Variants in ADARB2 observed in about 807,000 individuals in gnomAD.
ADARB2 encodes the protein adenosine deaminase RNA specific B2 (inactive).
In ADARB2, 25 loss-of-function variants were observed where a neutral mutation model predicts 62.2. The ratio of observed to expected loss-of-function variants is 0.40; its 90% CI spans 0.29 to 0.56. ADARB2 has a LOEUF of 0.56. ADARB2 is among the 20% of genes least tolerant of loss of function. The pLI is 0.43. For missense variants in ADARB2, 1,071 were observed against 1,077.4 expected (o/e 0.99, Z 0.08); for synonymous variants, 572 against 500.8 (o/e 1.14, Z -1.90).
intron 1 of ADARB2, among the ~76,000 whole-genome samples, chr10:1,480,837 T>C (rs553167271): frequency 6.6e-6 from 1 of 152,206 alleles, no homozygotes; most frequent in Non-Finnish European, 1.5e-5. Flanking sequence ...CATAAATAAA[T>C]GGAAAGACAT....
At chr10:1,481,571 A>G (rs1028128806) in intron 1 of ADARB2, among the ~76,000 whole-genome samples, 11 of 152,228 alleles carry the variant, frequency 7.2e-5, no homozygotes, top group African/African-American at 2.7e-4. Context: ...ATTAATATCC[A>G]GAATATACAA....
At chr10:1,268,839 T>TA (rs1444653566) in intron 4 of ADARB2, among the ~76,000 whole-genome samples, 2 of 152,222 alleles carry the variant, frequency 1.3e-5, no homozygotes, top group Non-Finnish European at 2.9e-5. Context: ...TATAGATAAA[T>TA]TGCCTACACA....
chr10:1,347,433 A>G (rs942231804), intron 3 of ADARB2, among the ~76,000 whole-genome samples: 3 of 152,204 alleles, frequency 2.0e-5, no homozygotes, highest in African/African-American at 7.2e-5. Context: ...ATGAGAAGAA[A>G]CCAGGGCACG....
chr10:1,676,030 C>G lies in ADARB2; in HGVS notation c.100+61021G>C, dbSNP rs1294690608. 3.0e-6 allele frequency: 3 copies of G among 985,302 alleles called. No individual in the cohort carries two copies. The South Asian group carries it at 1.4e-4, about 46-fold the overall frequency. 61.0% of individuals were successfully genotyped at this position (985,302 alleles called of 1,614,324 possible). A position where few individuals can be genotyped will look rare whatever the true frequency, so the allele number is the denominator to read the frequency against. On this transcript the variant is annotated intron_variant, in intron 1 of 9. Transcript: ENST00000381312. ...TGGTAAGAGGCTGTGAGTCAGGGCG[C>G]GTTTCTAACTCTTGACCTGAGCCCC...
At chr10:1,729,911 T>C (rs1452762293) in intron 1 of ADARB2, among the ~76,000 whole-genome samples, 1 of 152,212 alleles carries the variant, frequency 6.6e-6, no homozygotes, top group African/African-American at 2.4e-5. Context: ...CTTCTGTCTG[T>C]CGGCAGTGGG....
chr10:1,451,078 C>T (rs1831030374), intron 1 of ADARB2, among the ~76,000 whole-genome samples: 1 of 152,224 alleles, frequency 6.6e-6, no homozygotes, highest in African/African-American at 2.4e-5. Context: ...TAACCATGTC[C>T]TCATAGCCTG....
chr10:1,255,131 G>A lies in ADARB2; in HGVS notation c.1193-12832C>T, dbSNP rs1831068887. Among the ~76,000 whole-genome samples the A allele has an allele frequency of 6.6e-6, 1 of 152,242 alleles. No individual in the cohort carries two copies. Among genetic ancestry groups the A allele is most frequent in the Non-Finnish European group, 1.5e-5 (1 of 68,044 alleles). On this transcript the variant is annotated intron_variant, in intron 4 of 9. Coordinates refer to ENST00000381312, the MANE Select transcript of ADARB2 (RefSeq NM_018702.4). This position sits in a 1 kb window ranked among gnomAD's most constrained non-coding sequence, Gnocchi z 4.7. ...TCAGCCCCAGTGAGGGAGCAAGCGG[G>A]GCCAATGCTCTGAGCTCCTCATGGG...
At chr10:1,435,092 G>C (rs1429350328) in intron 1 of ADARB2, among the ~76,000 whole-genome samples, 2 of 152,234 alleles carry the variant, frequency 1.3e-5, no homozygotes, top group Non-Finnish European at 2.9e-5. Context: ...CTGGGAGGCC[G>C]TGGAGCACGA....
chr10:1,242,051 A>G (rs1315876487), intron 5 of ADARB2, 80 bp downstream of exon 5: 7 of 1,448,806 alleles, frequency 4.8e-6, no homozygotes, highest in South Asian at 1.3e-5. Context: ...GTTCTGAGCC[A>G]GGCATGGGGC....
chr10:1,356,721 C>T (rs1832199503), intron 3 of ADARB2, among the ~76,000 whole-genome samples: 1 of 152,166 alleles, frequency 6.6e-6, no homozygotes, highest in Non-Finnish European at 1.5e-5. Context: ...ACACACTGTT[C>T]TTCAATCTCA....
chr10:1,448,201 A>C (rs1830994648), intron 1 of ADARB2, among the ~76,000 whole-genome samples: 1 of 152,210 alleles, frequency 6.6e-6, no homozygotes, highest in Admixed American at 6.5e-5. Context: ...GTGTTGGAAA[A>C]CATATAAGAC....
intron 1 of ADARB2, among the ~76,000 whole-genome samples, chr10:1,643,939 G>A (rs991142562): frequency 6.6e-6 from 1 of 152,154 alleles, no homozygotes; most frequent in Non-Finnish European, 1.5e-5. Flanking sequence ...GTAGGGCGGT[G>A]TGATCTCCTC....
At chr10:1,232,410 ATG>A (rs998137281) in intron 6 of ADARB2, among the ~76,000 whole-genome samples, 4 of 143,434 alleles carry the variant, frequency 2.8e-5, no homozygotes, top group Non-Finnish European at 4.5e-5. Flanking sequence ...TGCTTGTGGC[ATG>A]TGTGTGGTAT....
intron 1 of ADARB2, among the ~76,000 whole-genome samples, chr10:1,573,526 C>T (rs112640931): frequency 3.9e-5 from 6 of 152,188 alleles, no homozygotes; most frequent in South Asian, 2.1e-4. Context: ...ACTCTCATTC[C>T]GTCCCCTGAT....
chr10:1,733,316 C>T (rs759778041), intron 1 of ADARB2, among the ~76,000 whole-genome samples: 5 of 152,158 alleles, frequency 3.3e-5, no homozygotes, highest in Non-Finnish European at 4.4e-5. Flanking sequence ...ATTCTGGAAA[C>T]TTCAGTCATT....
chr10:1,458,257 C>T (rs1436298217), intron 1 of ADARB2, among the ~76,000 whole-genome samples: 1 of 152,140 alleles, frequency 6.6e-6, no homozygotes, highest in Non-Finnish European at 1.5e-5. Flanking sequence ...GCGAATACTT[C>T]CCATCTGCAA....
Position 1,210,115 on chromosome 10 carries a change from G to A in ADARB2, c.1682+6836C>T, listed in dbSNP as rs148510383. On this transcript the variant is annotated intron_variant, in intron 7 of 9. Coordinates refer to ENST00000381312, the MANE Select transcript of ADARB2 (RefSeq NM_018702.4). ...TGTGCATTACTTTTGATCTGTAGGT[G>A]GGAAGTAATGTAGCTGTGTTGTTTG... Among the ~76,000 whole-genome samples, 133 of 152,260 alleles carry A rather than the reference G, an allele frequency of 8.7e-4. 1 individual carries two copies. Among genetic ancestry groups the A allele is most frequent in the African/African-American group, 3.1e-3 (128 of 41,552 alleles).
intron 1 of ADARB2, among the ~76,000 whole-genome samples, chr10:1,501,919 C>T (rs192608946): frequency 1.3e-5 from 2 of 152,354 alleles, no homozygotes; most frequent in African/African-American, 4.8e-5. Flanking sequence ...AGGTTTTATT[C>T]TCTTCTTTCG....
At chr10:1,716,177 C>A (rs903678626) in intron 1 of ADARB2, among the ~76,000 whole-genome samples, 1 of 152,238 alleles carries the variant, frequency 6.6e-6, no homozygotes, top group Admixed American at 6.5e-5. Flanking sequence ...TCAGTTCTCC[C>A]TGTACATTCC....
Sources: allele counts gnomAD v4.1 joint callset (sites outside exome capture counted in the v4.1 genomes callset), GRCh38; gene constraint gnomAD v4.1.1; non-coding constraint Gnocchi (gnomAD v3.1); transcripts MANE v1.5; gene names NCBI Gene and HGNC (gene_info 2026-07-23, HGNC 2026-07-21).